The following CC2D2B variants were observed in gnomAD, a reference collection of about 807,000 sequenced individuals.
The protein encoded by CC2D2B is protein CC2D2B.
Under a neutral mutation model 161.2 loss-of-function variants are expected in CC2D2B, and 128 were observed. The ratio of observed to expected loss-of-function variants is 0.79; its 90% CI spans 0.69 to 0.92. CC2D2B has a LOEUF of 0.92. Ranked by LOEUF, CC2D2B falls within the 40% of genes least tolerant of loss-of-function variation. CC2D2B has a pLI of 0.00. For synonymous variants in CC2D2B, 391 were observed against 449.8 expected (o/e 0.87, Z 1.65); for missense variants, 1,173 against 1,375.1 (o/e 0.85, Z 2.32).
At chr10:95,983,987 T>G (rs1232621200) in intron 19 of CC2D2B, among the ~76,000 whole-genome samples, 178 bp downstream of exon 19, 1 of 152,198 alleles carries the variant, frequency 6.6e-6, no homozygotes, top group Non-Finnish European at 1.5e-5. Context: ...TTCTTCAGCT[T>G]GACTTTACGA....
chr10:96,031,326 TAC>T (rs1310028072), intron 34 of CC2D2B, among the ~76,000 whole-genome samples: 2 of 152,108 alleles, frequency 1.3e-5, no homozygotes, highest in Non-Finnish European at 2.9e-5. Context: ...GCTAAGCAAT[TAC>T]AGTGTGAAAG....
intron 2 of CC2D2B, among the ~76,000 whole-genome samples, chr10:95,913,741 C>T (rs1408678889): frequency 3.9e-5 from 6 of 152,082 alleles, no homozygotes; most frequent in Admixed American, 1.3e-4. Context: ...TTTTCATATA[C>T]CTGTTTGCCA....
At chr10:95,929,994 C>T (rs1278136876) in intron 6 of CC2D2B, among the ~76,000 whole-genome samples, 1 of 152,170 alleles carries the variant, frequency 6.6e-6, no homozygotes, top group South Asian at 2.1e-4. Flanking sequence ...GCAGTATGGC[C>T]ATTTTCACGA....
rs1491430453 is a variant in CC2D2B at position 95,934,452 on chromosome 10, AAC to A, written c.337-3537_337-3536del. Among the ~76,000 whole-genome samples the A allele has an allele frequency of 7.9e-5, 12 of 151,498 alleles. No individual in the cohort carries two copies. In the East Asian group the frequency reaches 9.8e-4, roughly 12 times the overall value. ...ACTGGGGTATGAAAAAAAAAAAACA[AAC>A]AAACAAACAAAAAAACCTCTTGAAG... On this transcript the variant is annotated intron_variant, in intron 6 of 34. Coordinates refer to ENST00000646931, the MANE Select transcript of CC2D2B (RefSeq NM_001349008.3).
intron 24 of CC2D2B, among the ~76,000 whole-genome samples, chr10:95,997,402 T>C (rs903539237): frequency 6.6e-6 from 1 of 152,154 alleles, no homozygotes; most frequent in African/African-American, 2.4e-5. Context: ...AGCTTTTTTT[T>C]TTAATTAGGA....
intron 17 of CC2D2B, among the ~76,000 whole-genome samples, chr10:95,977,551 T>C (rs1051201734): frequency 1.3e-5 from 2 of 152,264 alleles, no homozygotes; most frequent in African/African-American, 4.8e-5. Context: ...ACCTTATTTC[T>C]TATTTCCCAT....
At chr10:95,969,183 A>G (rs933746374) in intron 15 of CC2D2B, among the ~76,000 whole-genome samples, 3 of 152,210 alleles carry the variant, frequency 2.0e-5, no homozygotes, top group African/African-American at 4.8e-5. Context: ...AATGAGGTGG[A>G]AAAGTGCTGT....
In CC2D2B at chr10:95,938,558, T is replaced by C; in HGVS notation, c.536-11T>C. The C allele has an allele frequency of 1.5e-6, 1 of 674,972 alleles. No homozygotes were observed. The highest frequency in any genetic ancestry group is 1.7e-5 in the South Asian group (1 of 58,674). The allele number at this position is 674,972 out of a possible 1,614,324, so 41.8% of individuals were successfully genotyped here. ...ACTTTAAAGTAATATCTAAGTTTTATTGTTATAAAGTGGTTAACCAGCGCA... is the reference window on the plus strand; with the variant it reads ...ACTTTAAAGTAATATCTAAGTTTTACTGTTATAAAGTGGTTAACCAGCGCA... On this transcript the variant is annotated splice_polypyrimidine_tract_variant and intron_variant, in intron 7 of 34. Transcript: ENST00000646931.
intron 32 of CC2D2B, among the ~76,000 whole-genome samples, chr10:96,023,242 G>T (rs1199516384): frequency 6.6e-6 from 1 of 152,236 alleles, no homozygotes; most frequent in East Asian, 1.9e-4. Flanking sequence ...TGTTTAGCTT[G>T]TATCTCTACT....
chr10:96,025,154 AAT>A (rs1175038678), intron 33 of CC2D2B, among the ~76,000 whole-genome samples: 156 of 20,064 alleles, frequency 7.8e-3, no homozygotes, highest in African/African-American at 0.022. Flanking sequence ...ACTAAAAAAA[AAT>A]ATATATATAT....
At position 96,032,514 on chromosome 10, in the gene CC2D2B, C is replaced by T. The variant is rs1171763626; in HGVS notation, c.*506C>T. On this transcript the variant is annotated 3_prime_UTR_variant, in exon 35 of 35. Coordinates refer to ENST00000646931, the MANE Select transcript of CC2D2B (RefSeq NM_001349008.3). ...TGCACTGTTATGAGGGAGAGCCCAG[C>T]CTTATAGAATGTTGTCACTACTAAA... 3.8e-6 allele frequency: 1 copy of T among 264,704 alleles called. No individual in the cohort carries two copies. Among genetic ancestry groups the T allele is most frequent in the Non-Finnish European group, 7.6e-6 (1 of 131,804 alleles). The allele number at this position is 264,704 out of a possible 1,614,324, so 16.4% of individuals were successfully genotyped here. A position where few individuals can be genotyped will look rare whatever the true frequency, so the allele number is the denominator to read the frequency against.
intron 14 of CC2D2B, among the ~76,000 whole-genome samples, chr10:95,967,990 G>A (rs2076999921): frequency 6.6e-6 from 1 of 152,134 alleles, no homozygotes; most frequent in African/African-American, 2.4e-5. Flanking sequence ...CAGTTCTCTT[G>A]CCACTAGGAA....
At position 95,997,121 on chromosome 10, in the gene CC2D2B, A is replaced by C. The variant is rs547128851; in HGVS notation, c.2849+869A>C. Among the ~76,000 whole-genome samples, 213 of 152,326 alleles carry C rather than the reference A, an allele frequency of 1.4e-3. 1 individual carries two copies. The highest frequency in any genetic ancestry group is 4.9e-3 in the African/African-American group (203 of 41,582). On this transcript the variant is annotated intron_variant, in intron 24 of 34. Transcript: ENST00000646931. Reference sequence around the variant, plus strand: ...AATTTCTGTTCTTTATAAATTACCTAGTCTCAGATACTCTGTTATGGCAGC... The same window carrying C: ...AATTTCTGTTCTTTATAAATTACCTCGTCTCAGATACTCTGTTATGGCAGC...
chr10:95,966,139 C>T (rs7912552), intron 13 of CC2D2B, 51 bp from the exon 14 acceptor site: 16,316 of 762,950 alleles, frequency 0.021, 344 homozygotes, highest in South Asian at 0.071. Context: ...GAATAAATGT[C>T]CTACACAGGG....
In CC2D2B at chr10:96,016,211, G is replaced by A. The variant is rs746891421; in HGVS notation, c.3527G>A (p.Ser1176Asn). 6.2e-7 allele frequency: 1 copy of A among 1,610,800 alleles called. No homozygotes were observed. The change falls in exon 30 of 35, where the codon AGT becomes AAT. Residue 1176 changes from serine (S) to asparagine (N), a missense_variant. Coordinates refer to ENST00000646931, the MANE Select transcript of CC2D2B (RefSeq NM_001349008.3). ...DIWMTSEHCI[S>N]LAIGNKEEHA... ...TTTGTTTTGTCTTAGCACTGCATCA[G>A]TTTAGCTATCGGAAATAAGGAGGAG...
Position 96,024,858 on chromosome 10 carries a change from A to C in CC2D2B, c.3894A>C (p.Glu1298Asp), listed in dbSNP as rs1296899630. The C allele has an allele frequency of 5.3e-6, 8 of 1,508,736 alleles. No individual in the cohort carries two copies. The highest frequency in any genetic ancestry group is 2.0e-5 in the Admixed American group (1 of 50,526). The allele number at this position is 1,508,736 out of a possible 1,614,324, so 93.5% of individuals were successfully genotyped here. A position where few individuals can be genotyped will look rare whatever the true frequency, so the allele number is the denominator to read the frequency against. ...QGTKIQSIQPEEIIYFETDKS... is the reference protein window; with the variant it reads ...QGTKIQSIQPDEIIYFETDKS... ...ACTTTGGTTGTCTATTTCAGCCTGA[A>C]GAAATAATTTATTTTGAAACTGATA... is the stretch of plus-strand genomic sequence containing the variant. Residue 1298 changes from glutamate (E) to aspartate (D), a missense_variant, in exon 33 of 35, where the codon GAA (glutamate) becomes GAC (aspartate). By Grantham distance (45) the Glu-to-Asp change is conservative. This residue lies in a region of CC2D2B where 598 missense variants were observed against 693.2 expected (regional missense o/e 0.86). Transcript: ENST00000646931.
At chr10:96,010,809 T>A (rs1397029539) in intron 26 of CC2D2B, among the ~76,000 whole-genome samples, 1 of 152,186 alleles carries the variant, frequency 6.6e-6, no homozygotes, top group East Asian at 1.9e-4. Flanking sequence ...AATAAGGGCT[T>A]AATTTAGATT....
intron 2 of CC2D2B, among the ~76,000 whole-genome samples, chr10:95,914,317 G>C (rs941154456): frequency 2.0e-5 from 3 of 152,062 alleles, no homozygotes; most frequent in African/African-American, 7.3e-5. Context: ...CCATTGATGT[G>C]TATGTGTGTG....
At chr10:95,993,390 C>T (rs1590784358) in intron 22 of CC2D2B, among the ~76,000 whole-genome samples, 1 of 152,046 alleles carries the variant, frequency 6.6e-6, no homozygotes, top group Non-Finnish European at 1.5e-5. Flanking sequence ...ACCCAAATGC[C>T]TTAAGAATGT....
Sources: gnomAD v4.1 joint callset for allele counts (sites outside exome capture counted in the v4.1 genomes callset) on GRCh38, gnomAD v4.1.1 for gene constraint, gnomAD v4.1.1 regional missense constraint, MANE v1.5 for transcripts, NCBI Gene and HGNC (gene_info 2026-07-23, HGNC 2026-07-21) for gene names.